The following CELF2 variants were observed in gnomAD, a reference collection of about 807,000 sequenced individuals.
CELF2 encodes CUG triplet repeat RNA-binding protein 2.
In CELF2, 8 loss-of-function variants were observed where a neutral mutation model predicts 62.6. That is an observed-to-expected ratio of 0.13 (90% CI 0.07 to 0.23). The LOEUF is 0.23. Among genes scored for constraint, CELF2 ranks in the 10% least tolerant of loss-of-function variants. The probability of loss-of-function intolerance (pLI) is 1.00; values close to 1 mark genes in which losing one functional copy is unlikely to be tolerated. For synonymous variants in CELF2, 258 were observed against 250.0 expected (o/e 1.03, Z -0.30); for missense variants, 333 against 671.0 (o/e 0.50, Z 5.56).
intron 1 of CELF2, among the ~76,000 whole-genome samples, chr10:11,095,486 G>C (rs1682173122): frequency 6.6e-6 from 1 of 152,216 alleles, no homozygotes; most frequent in South Asian, 2.1e-4. Flanking sequence ...TTTACCTGGA[G>C]CTAAGATGAA....
intron 1 of CELF2, among the ~76,000 whole-genome samples, chr10:10,838,951 T>G (rs1427980013): frequency 6.6e-6 from 1 of 151,864 alleles, no homozygotes; most frequent in Non-Finnish European, 1.5e-5. Context: ...TCATCCTGGC[T>G]AATATGGTGA....
At chr10:11,106,300 G>A (rs1364807383) in intron 1 of CELF2, among the ~76,000 whole-genome samples, 1 of 151,744 alleles carries the variant, frequency 6.6e-6, no homozygotes, top group Non-Finnish European at 1.5e-5. Flanking sequence ...GCAGTGGCAT[G>A]ATCTCTGTTC....
At chr10:10,645,032 C>T in the CELF2 span, among the ~76,000 whole-genome samples, 16 of 152,218 alleles carry the variant, frequency 1.1e-4, no homozygotes, top group East Asian at 1.4e-3. Flanking sequence ...AAACCAAAAA[C>T]GAAAATATCC....
At chr10:11,188,782 C>T (rs560992302) in intron 2 of CELF2, among the ~76,000 whole-genome samples, 3 of 152,286 alleles carry the variant, frequency 2.0e-5, no homozygotes, top group Admixed American at 2.0e-4. Context: ...TATATTTGGC[C>T]ATTTGAAGTT....
At chr10:11,218,652 G>A (rs145140770) in intron 3 of CELF2, among the ~76,000 whole-genome samples, 7 of 152,310 alleles carry the variant, frequency 4.6e-5, no homozygotes, top group African/African-American at 9.6e-5. Flanking sequence ...CTTTGTATGC[G>A]AGGAAATCAA....
At position 11,325,816 on chromosome 10, in the gene CELF2, A is replaced by T. The variant is rs2095695932; in HGVS notation, c.1295-20A>T. ...AAGACTCAAGGGATACCTTACTCTG[A>T]CTTTTTTTTTCCTCCTTAGGTCCAG... On this transcript the variant is annotated intron_variant, in intron 11 of 12. Transcript: ENST00000633077. The T allele has an allele frequency of 1.3e-6, 2 of 1,568,976 alleles. No homozygotes were observed. Among genetic ancestry groups the T allele is most frequent in the Admixed American group, 3.8e-5 (2 of 52,424 alleles).
chr10:11,264,886 A>G lies in CELF2; in HGVS notation c.539-1712A>G, dbSNP rs770063368. Among the ~76,000 whole-genome samples the G allele has an allele frequency of 1.1e-4, 16 of 152,366 alleles. No homozygotes were observed. The South Asian group carries it at 1.4e-3, about 14-fold the overall frequency. On this transcript the variant is annotated intron_variant, in intron 5 of 12. Coordinates refer to ENST00000633077, the MANE Select transcript of CELF2 (RefSeq NM_001326342.2). ...CAGCTCAGCATTCACCGTGAGCTGA[A>G]CTTCATTCAGGCTTCTTCAAGCCAG...
intron 1 of CELF2, among the ~76,000 whole-genome samples, chr10:10,875,769 A>G (rs1196448893): frequency 6.6e-6 from 1 of 152,158 alleles, no homozygotes; most frequent in Non-Finnish European, 1.5e-5. Flanking sequence ...GCAGACTTCC[A>G]TCTCCCTCTT....
chr10:10,565,752 C>T, the CELF2 span, among the ~76,000 whole-genome samples: 1 of 152,164 alleles, frequency 6.6e-6, no homozygotes, highest in Non-Finnish European at 1.5e-5. Context: ...GTTACTTCAG[C>T]CTGAGAGCCT....
At chr10:11,123,887 A>T (rs1026526023) in intron 1 of CELF2, among the ~76,000 whole-genome samples, 3 of 152,172 alleles carry the variant, frequency 2.0e-5, no homozygotes, top group African/African-American at 7.2e-5. Context: ...TGTATTGGTC[A>T]GTTCTCATGC....
chr10:10,548,333 C>T, the CELF2 span, among the ~76,000 whole-genome samples: 2 of 152,200 alleles, frequency 1.3e-5, no homozygotes, highest in African/African-American at 4.8e-5. Flanking sequence ...GGGCATTAGT[C>T]ATAGTCTCAG....
At chr10:11,312,305 C>T (rs780187058) in intron 9 of CELF2, among the ~76,000 whole-genome samples, 9 of 151,918 alleles carry the variant, frequency 5.9e-5, no homozygotes, top group Non-Finnish European at 1.3e-4. Context: ...GATAAATAAC[C>T]CAGGTGAAAG....
chr10:11,273,500 C>A (rs958395601), intron 7 of CELF2, among the ~76,000 whole-genome samples: 1 of 152,166 alleles, frequency 6.6e-6, no homozygotes, highest in African/African-American at 2.4e-5. Flanking sequence ...TTGTCTTCCA[C>A]GAAACTTCTT....
the CELF2 span, among the ~76,000 whole-genome samples, chr10:10,675,987 G>A: frequency 6.6e-6 from 1 of 152,130 alleles, no homozygotes; most frequent in Non-Finnish European, 1.5e-5. Flanking sequence ...TTCAAACTGT[G>A]CTTTTGCCTT....
At chr10:11,093,280 A>G (rs2048837114) in intron 1 of CELF2, among the ~76,000 whole-genome samples, 1 of 152,242 alleles carries the variant, frequency 6.6e-6, no homozygotes, top group East Asian at 1.9e-4. Context: ...TAATGTGAAA[A>G]TTCCAGTGGA....
At chr10:11,030,992 A>T (rs531983485) in intron 1 of CELF2, 7 of 152,340 alleles carry the variant, frequency 4.6e-5, no homozygotes, top group African/African-American at 1.2e-4. Context: ...TTCTTCATTT[A>T]TGATAACGGT....
chr10:10,961,735 A>G (rs1592453041), intron 2 of CELF2, among the ~76,000 whole-genome samples: 2 of 151,734 alleles, frequency 1.3e-5, no homozygotes, highest in East Asian at 3.9e-4. Flanking sequence ...TGAGCAACAG[A>G]GCAAGACTCT....
intron 1 of CELF2, among the ~76,000 whole-genome samples, chr10:10,865,092 T>A (rs2060274395): frequency 6.6e-6 from 1 of 152,164 alleles, no homozygotes; most frequent in Non-Finnish European, 1.5e-5. Flanking sequence ...AGGAAAATTT[T>A]TTTTCCTGTT....
chr10:10,481,641 T>C, the CELF2 span, among the ~76,000 whole-genome samples: 1 of 152,330 alleles, frequency 6.6e-6, no homozygotes, highest in East Asian at 1.9e-4. Flanking sequence ...GAATGACATA[T>C]GACATTATTG....
Sources: allele counts gnomAD v4.1 joint callset (sites outside exome capture counted in the v4.1 genomes callset), GRCh38; gene constraint gnomAD v4.1.1; transcripts MANE v1.5; gene names NCBI Gene and HGNC (gene_info 2026-07-23, HGNC 2026-07-21).